Variants in MYO1A observed in about 807,000 individuals in gnomAD.
MYO1A encodes the protein myosin IA, also known as unconventional myosin-Ia.
A neutral mutation model predicts 138.5 loss-of-function variants in MYO1A; 127 were observed. That is an observed-to-expected ratio of 0.92 (90% confidence interval 0.79 to 1.06). The LOEUF is 1.06. Among genes scored for constraint, MYO1A ranks in the 50% least tolerant of loss-of-function variants. MYO1A has a pLI of 0.00. For synonymous variants in MYO1A, 477 were observed against 497.5 expected, an observed-to-expected ratio of 0.96 and a Z score of 0.55; for missense variants, 1,211 against 1,288.8, an observed-to-expected ratio of 0.94 and a Z score of 0.92.
intron 13 of MYO1A, 48 bp from the exon 14 acceptor site, chr12:57,041,336 C>T: frequency 1.9e-6 from 3 of 1,594,752 alleles, no homozygotes; most frequent in East Asian, 2.2e-5. Flanking sequence ...GACTGTTTCT[C>T]CGTCTCAGTC....
intron 12 of MYO1A, 32 bp downstream of exon 12, chr12:57,043,040 G>A (rs1252065415): frequency 1.9e-6 from 3 of 1,609,752 alleles, no homozygotes; most frequent in South Asian, 1.1e-5. Context: ...AGGCAGACAG[G>A]AGAGCATGGA....
At position 57,047,729 on chromosome 12, in the gene MYO1A, G is replaced by C; in HGVS notation, c.231-8C>G. 5 of 1,613,908 alleles carry C rather than the reference G, an allele frequency of 3.1e-6. No individual in the cohort carries two copies. Among genetic ancestry groups the C allele is most frequent in the Non-Finnish European group, 4.2e-6 (5 of 1,179,810 alleles). ...ACATTTGCCAATGCGTAGCTTGTGG[G>C]GAGGAAGTGGGCAATGACTATTGTG... On this transcript the variant is annotated splice_polypyrimidine_tract_variant and splice_region_variant and intron_variant, in intron 3 of 27. Coordinates refer to ENST00000300119, the MANE Select transcript of MYO1A (RefSeq NM_005379.4).
At position 57,044,878 on chromosome 12, in the gene MYO1A, G is replaced by A. The variant is rs531424673; in HGVS notation, c.641-669C>T. On this transcript the variant is annotated intron_variant, in intron 8 of 27. Coordinates refer to ENST00000300119, the MANE Select transcript of MYO1A (RefSeq NM_005379.4). ...GGTGCCTCTGGACGGTGAAGGTAAG[G>A]GGAGAAGGGTAAGCGCATATCTCCT... Among the ~76,000 whole-genome samples, 4 of 152,302 alleles carry A rather than the reference G, an allele frequency of 2.6e-5. No homozygotes were observed. The South Asian group carries it at 8.3e-4, about 32-fold the overall frequency.
chr12:57,043,619 A>C (rs2030960915), intron 10 of MYO1A, among the ~76,000 whole-genome samples: 1 of 152,232 alleles, frequency 6.6e-6, no homozygotes, highest in Admixed American at 6.5e-5. Flanking sequence ...CCCATTCTGC[A>C]GAAGAATCAA....
intron 21 of MYO1A, 68 bp downstream of exon 21, chr12:57,036,704 C>T: frequency 1.2e-5 from 19 of 1,572,114 alleles, no homozygotes; most frequent in Non-Finnish European, 1.7e-5. Flanking sequence ...CTCTCTGCTG[C>T]TCTAGCCAGC....
At chr12:57,039,039 C>G in intron 15 of MYO1A, 30 bp from the exon 16 acceptor site, 1 of 1,605,506 alleles carries the variant, frequency 6.2e-7, no homozygotes. Flanking sequence ...GAAGCCCAAC[C>G]TAAATCTGGT....
Position 57,029,304 on chromosome 12 carries a change from C to T in MYO1A, c.2878-45G>A, listed in dbSNP as rs202207957. ...AGCAGGAAAGGGATTCATTTTTTCT[C>T]TTCAGGAGCACCTGAGGGACATCAA... On this transcript the variant is annotated intron_variant, in intron 26 of 27. Transcript: ENST00000300119. The T allele has an allele frequency of 2.8e-3, 4,504 of 1,613,508 alleles. 16 individuals carry two copies. Among genetic ancestry groups the T allele is most frequent in the Admixed American group, 4.5e-3 (272 of 60,018 alleles).
rs776772506 is a variant in MYO1A, at chr12:57,043,963, C to T, written c.785G>A (p.Arg262Gln). ...AVIGFSEEEI[R>Q]QVLEVTSMVL... ...CATGGATGTCACCTCTAGCACTTGT[C>T]GAATCTCCTCCTCCGAGAACCCAAT... Residue 262 changes from arginine (R) to glutamine (Q), a missense_variant, in exon 10 of 28, where the codon CGA (arginine) becomes CAA (glutamine). Transcript: ENST00000300119. 76 of 1,614,018 alleles carry T rather than the reference C, an allele frequency of 4.7e-5. No homozygotes were observed. The highest frequency in any genetic ancestry group is 1.4e-4 in the South Asian group (13 of 91,076).
In MYO1A at chr12:57,046,924, TC is replaced by T; in HGVS notation, c.479del (p.Gly160GlufsTer29). On this transcript the variant is annotated frameshift_variant and splice_region_variant, in exon 7 of 28. Transcript: ENST00000300119. LOFTEE classifies it high-confidence loss of function. ...AGTCAAATTCAATATCCATGTATTTTCCCTTCAGAGAGAGACCAGAGAGAGA... is the reference window on the plus strand; with the variant it reads ...AGTCAAATTCAATATCCATGTATTTTCCTTCAGAGAGAGACCAGAGAGAGA... Reference protein sequence around the residue: ...TIRNNNSSRFGKYMDIEFDFK... With the variant: ...TIRNNNSSRFXKYMDIEFDFK... 6.2e-7 allele frequency: 1 copy of T among 1,614,086 alleles called. No individual in the cohort carries two copies. Among genetic ancestry groups the T allele is most frequent in the Non-Finnish European group, 8.5e-7 (1 of 1,179,992 alleles).
At chr12:57,043,744 G>C in intron 10 of MYO1A, 112 bp downstream of exon 10, 1 of 1,412,114 alleles carries the variant, frequency 7.1e-7, no homozygotes. Context: ...GGAGTGGGCT[G>C]AGTGGGACTG....
chr12:57,041,225 C>G lies in MYO1A; in HGVS notation c.1228G>C (p.Glu410Gln). Residue 410 changes from glutamate to glutamine, a missense_variant, in exon 14 of 28, where the codon GAG becomes CAG. Glu to Gln is a conservative substitution (Grantham distance 29). Transcript: ENST00000300119. ...CNEKLQQVFI[E>Q]MTLKEEQEEY... ...TCTTGCTCTTCTTTCAGGGTCATCT[C>G]TATGAACACCTGCTGCAGCTTCTCA... The G allele has an allele frequency of 6.2e-7, 1 of 1,613,916 alleles. No homozygotes were observed. Among genetic ancestry groups the G allele is most frequent in the African/African-American group, 1.3e-5 (1 of 75,056 alleles).
Position 57,047,041 on chromosome 12 carries a change from G to C in MYO1A, c.477+20C>G, listed in dbSNP as rs772933887. On this transcript the variant is annotated intron_variant, in intron 6 of 27. Transcript: ENST00000300119. ...AAGCCCCCACATCCTCTCTTCCCAG[G>C]TGGGGAGACATTTACTCACAAATCG... The C allele has an allele frequency of 3.7e-6, 6 of 1,613,898 alleles. No individual in the cohort carries two copies. In the South Asian group the frequency reaches 6.6e-5, roughly 18 times the overall value.
chr12:57,044,055 C>G (rs750067495), intron 9 of MYO1A, 51 bp downstream of exon 9: 6 of 1,614,020 alleles, frequency 3.7e-6, no homozygotes, highest in Non-Finnish European at 5.1e-6. Context: ...CAGTCCAATG[C>G]GAATAGAGGA....
intron 22 of MYO1A, among the ~76,000 whole-genome samples, chr12:57,034,285 A>C (rs541426662): frequency 6.6e-6 from 1 of 152,364 alleles, no homozygotes; most frequent in South Asian, 2.1e-4. Flanking sequence ...TTTAACTACA[A>C]AATGGGAGAA....
chr12:57,047,569 G>C, intron 4 of MYO1A, 58 bp downstream of exon 4: 1 of 1,583,884 alleles, frequency 6.3e-7, no homozygotes, highest in Non-Finnish European at 8.7e-7. Flanking sequence ...GGCTTGCAAA[G>C]AGACAAGGAA....
rs1469523163 is a variant in MYO1A at position 57,031,029 on chromosome 12, G to C, written c.2484+11C>G. The C allele has an allele frequency of 1.9e-6, 3 of 1,613,324 alleles. No individual in the cohort carries two copies. Among genetic ancestry groups the C allele is most frequent in the South Asian group, 2.2e-5 (2 of 91,038 alleles). On this transcript the variant is annotated intron_variant, in intron 23 of 27. Coordinates refer to ENST00000300119, the MANE Select transcript of MYO1A (RefSeq NM_005379.4). ...ACGAAATGAGAGGAGGGGTGCCTGG[G>C]CTCCACTTGCCTTCCACTGGTAGAA...
At chr12:57,040,967 C>T (rs981911627) in intron 14 of MYO1A, among the ~76,000 whole-genome samples, 29 of 152,268 alleles carry the variant, frequency 1.9e-4, no homozygotes, top group African/African-American at 6.5e-4. Context: ...GGACTTTCCA[C>T]ACATGTACCC....
chr12:57,043,879 G>A lies in MYO1A; in HGVS notation c.869C>T (p.Ala290Val). 6.2e-7 allele frequency: 1 copy of A among 1,614,118 alleles called. No homozygotes were observed. The highest frequency in any genetic ancestry group is 8.5e-7 in the Non-Finnish European group (1 of 1,180,022). The part of the protein sequence containing the change: ...ADEFQASGIP[A>V]SGIRDGRGVR... ...ACCTCTCCCATCACGGATGCCACTT[G>A]CTGGTATCCCACTGGCCTGGAACTC... The change falls in exon 10 of 28, where the codon GCA (alanine) becomes GTA (valine). Residue 290 changes from alanine (A) to valine (V), a missense_variant. Transcript: ENST00000300119.
rs147101055 is a variant in MYO1A at position 57,047,717 on chromosome 12, C to A, written c.235G>T (p.Ala79Ser). ...TFYELKPHIY[A>S]LANVAYQSLR... is the part of the protein sequence containing the mutation. Reference sequence around the variant, plus strand: ...GACTGGTACGCCACATTTGCCAATGCGTAGCTTGTGGGGAGGAAGTGGGCA... The same window carrying A: ...GACTGGTACGCCACATTTGCCAATGAGTAGCTTGTGGGGAGGAAGTGGGCA... Residue 79 changes from alanine (A) to serine (S), a missense_variant, in exon 4 of 28, where the codon GCA becomes TCA. Physicochemically the swap from Ala to Ser is moderately conservative, Grantham distance 99. Transcript: ENST00000300119. 1.7e-3 allele frequency: 2,705 copies of A among 1,614,152 alleles called. 10 individuals are homozygous for A. The highest frequency in any genetic ancestry group is 1.4e-3 in the Non-Finnish European group (1,664 of 1,180,032).
Sources: gnomAD v4.1 joint callset for allele counts (sites outside exome capture counted in the v4.1 genomes callset) on GRCh38, gnomAD v4.1.1 for gene constraint, MANE v1.5 for transcripts, NCBI Gene and HGNC (gene_info 2026-07-23, HGNC 2026-07-21) for gene names.